Variants in CYP4X1 observed in about 807,000 individuals in gnomAD.
CYP4X1 encodes the protein cytochrome P450 4X1.
A neutral mutation model predicts 57.9 loss-of-function variants in CYP4X1; 44 were observed. That is an observed-to-expected ratio of 0.76 (90% confidence interval 0.60 to 0.98). The LOEUF (loss-of-function observed/expected upper bound fraction) is 0.98, where lower values mean the gene tolerates loss of function less well. CYP4X1 is among the 50% of genes least tolerant of loss of function. The pLI is 0.00. For synonymous variants in CYP4X1, 227 were observed against 228.6 expected (o/e 0.99, Z 0.06); for missense variants, 532 against 623.9 (o/e 0.85, Z 1.57).
chr1:47,015,918 C>G, the CYP4X1 span, among the ~76,000 whole-genome samples: 1 of 152,266 alleles, frequency 6.6e-6, no homozygotes, highest in Non-Finnish European at 1.5e-5. Flanking sequence ...GTGCCACCTC[C>G]GTGAGGAAAA....
At chr1:46,997,792 G>A in the CYP4X1 span, among the ~76,000 whole-genome samples, 1 of 152,122 alleles carries the variant, frequency 6.6e-6, no homozygotes, top group African/African-American at 2.4e-5. Context: ...GTTTCCCATA[G>A]GGTTGGACTA....
intron 6 of CYP4X1, among the ~76,000 whole-genome samples, chr1:47,038,074 G>A (rs1016705685): frequency 3.3e-5 from 5 of 152,218 alleles, no homozygotes; most frequent in Admixed American, 6.5e-5. Context: ...AGGAGATTTT[G>A]TGGCTTTTTT....
At chr1:47,010,378 T>G in the CYP4X1 span, among the ~76,000 whole-genome samples, 1 of 152,114 alleles carries the variant, frequency 6.6e-6, no homozygotes, top group African/African-American at 2.4e-5. Flanking sequence ...TGCTAAAAAC[T>G]CTCAATAAAT....
At chr1:47,040,872 T>C (rs1170945950) in intron 8 of CYP4X1, among the ~76,000 whole-genome samples, 2 of 152,140 alleles carry the variant, frequency 1.3e-5, no homozygotes, top group African/African-American at 4.8e-5. Flanking sequence ...AATCACATAT[T>C]GTACAATGCA....
At chr1:47,046,225 G>T (rs1383177507) in intron 8 of CYP4X1, among the ~76,000 whole-genome samples, 2 of 152,112 alleles carry the variant, frequency 1.3e-5, no homozygotes, top group African/African-American at 4.8e-5. Context: ...CTTAGCAAAT[G>T]TTTTACTGCT....
the CYP4X1 span, among the ~76,000 whole-genome samples, chr1:46,973,521 A>T: frequency 6.6e-6 from 1 of 152,044 alleles, no homozygotes; most frequent in Non-Finnish European, 1.5e-5. Context: ...TCTTCTTTAT[A>T]CCTCTGGTAG....
chr1:46,970,759 C>G, the CYP4X1 span, among the ~76,000 whole-genome samples: 1 of 152,284 alleles, frequency 6.6e-6, no homozygotes, highest in Middle Eastern at 3.4e-3. Flanking sequence ...AAGACAGCAA[C>G]AATTAAGTGC....
the CYP4X1 span, among the ~76,000 whole-genome samples, chr1:46,979,693 A>G: frequency 2.6e-5 from 4 of 152,236 alleles, no homozygotes; most frequent in Non-Finnish European, 5.9e-5. Flanking sequence ...ATTTTAGACC[A>G]ACATCCCTGA....
chr1:47,046,741 G>C lies in CYP4X1; in HGVS notation c.1207+141G>C, dbSNP rs146623813. The C allele has an allele frequency of 3.3e-3, 4,049 of 1,227,298 alleles. 13 individuals carry two copies. Among genetic ancestry groups the C allele is most frequent in the Admixed American group, 4.1e-3 (160 of 39,388 alleles). The allele number at this position is 1,227,298 out of a possible 1,614,324, so 76.0% of individuals were successfully genotyped here. On this transcript the variant is annotated intron_variant, in intron 9 of 11. Coordinates refer to ENST00000371901, the MANE Select transcript of CYP4X1 (RefSeq NM_178033.2). ...GTGACTTAGGTTTTATCACCTATGAGGAGCTCAGAGGATAATGCTTTGGTC... is the reference window on the plus strand; with the variant it reads ...GTGACTTAGGTTTTATCACCTATGACGAGCTCAGAGGATAATGCTTTGGTC...
the CYP4X1 span, among the ~76,000 whole-genome samples, chr1:47,012,644 C>A: frequency 2.0e-5 from 3 of 152,228 alleles, no homozygotes; most frequent in South Asian, 4.2e-4. Flanking sequence ...AATACACATG[C>A]CAGTCCCTTT....
At chr1:47,000,680 G>A in the CYP4X1 span, among the ~76,000 whole-genome samples, 2 of 152,240 alleles carry the variant, frequency 1.3e-5, no homozygotes, top group South Asian at 2.1e-4. Context: ...GAAATTGGGA[G>A]TTGGGTGGGG....
chr1:47,048,616 G>A lies in CYP4X1; in HGVS notation c.1259G>A (p.Trp420Ter). The change falls in exon 10 of 12, where the codon TGG (tryptophan) becomes TAG (stop). Residue 420 changes from tryptophan (W) to a stop codon, truncating the protein, a stop_gained. Transcript: ENST00000371901. LOFTEE classifies it high-confidence loss of function. ...GGTCTTCACCACAACCCTGCTGTCT[G>A]GAAAAACCCAAAGGTATGATTCTCT... ...IWGLHHNPAV[W>*]KNPKVFDPLR... The A allele has an allele frequency of 6.2e-7, 1 of 1,611,230 alleles. No individual in the cohort carries two copies. The highest frequency in any genetic ancestry group is 8.5e-7 in the Non-Finnish European group (1 of 1,179,320).
At chr1:47,014,926 G>C in the CYP4X1 span, among the ~76,000 whole-genome samples, 1 of 152,196 alleles carries the variant, frequency 6.6e-6, no homozygotes, top group Non-Finnish European at 1.5e-5. Flanking sequence ...AGGTCACATG[G>C]AGAAAGGAAA....
the CYP4X1 span, among the ~76,000 whole-genome samples, chr1:46,985,096 T>G: frequency 6.6e-6 from 1 of 152,054 alleles, no homozygotes; most frequent in African/African-American, 2.4e-5. Context: ...AGCAGGGAAG[T>G]TCCAACTGGG....
the CYP4X1 span, among the ~76,000 whole-genome samples, chr1:46,962,433 G>C: frequency 6.6e-6 from 1 of 152,094 alleles, no homozygotes; most frequent in African/African-American, 2.4e-5. Context: ...TGAGTTTTCT[G>C]AATTGATTCT....
chr1:47,020,166 T>C (rs1643980964), upstream of CYP4X1, among the ~76,000 whole-genome samples: 1 of 152,230 alleles, frequency 6.6e-6, no homozygotes, highest in Non-Finnish European at 1.5e-5. Flanking sequence ...GCTCAGGCCA[T>C]TTTATGCTCT....
chr1:46,994,903 T>C, the CYP4X1 span, among the ~76,000 whole-genome samples: 6 of 152,248 alleles, frequency 3.9e-5, no homozygotes, highest in African/African-American at 1.4e-4. Flanking sequence ...GCTGCTTTTA[T>C]TATTACCTGG....
the CYP4X1 span, among the ~76,000 whole-genome samples, chr1:47,009,986 G>C: frequency 2.6e-5 from 4 of 152,174 alleles, no homozygotes; most frequent in African/African-American, 9.7e-5. Flanking sequence ...AGAGGTACAA[G>C]GAGGAGCTGG....
At chr1:46,991,659 G>A in the CYP4X1 span, among the ~76,000 whole-genome samples, 4 of 152,182 alleles carry the variant, frequency 2.6e-5, no homozygotes, top group East Asian at 3.9e-4. Context: ...ACACAGATGC[G>A]TTCCAAGAGG....
Sources: gnomAD v4.1 joint callset for allele counts (sites outside exome capture counted in the v4.1 genomes callset) on GRCh38, gnomAD v4.1.1 for gene constraint, MANE v1.5 for transcripts, NCBI Gene and HGNC (gene_info 2026-07-23, HGNC 2026-07-21) for gene names.